GSDMB: variants seen among roughly 807,000 people sequenced by gnomAD.
GSDMB encodes the protein gasdermin B.
Under a neutral mutation model 42.9 loss-of-function variants are expected in GSDMB, and 32 were observed. The observed-to-expected ratio is 0.75, with a 90% CI of 0.56 to 1.00. The LOEUF (loss-of-function observed/expected upper bound fraction) is 1.00. Ranked by LOEUF, GSDMB falls within the 50% of genes least tolerant of loss-of-function variation. GSDMB has a pLI of 0.00. For synonymous variants in GSDMB, 175 were observed against 193.7 expected (o/e 0.90, Z 0.80); for missense variants, 468 against 498.5 (o/e 0.94, Z 0.58).
intron 10 of GSDMB, 57 bp downstream of exon 10, chr17:39,905,369 G>T: frequency 8.1e-7 from 1 of 1,229,934 alleles, no homozygotes; most frequent in South Asian, 1.3e-5. Flanking sequence ...TGGGTCCCTT[G>T]AGAATATGGG....
chr17:39,910,035 C>T, intron 3 of GSDMB, 111 bp from the exon 4 acceptor site: 1 of 839,972 alleles, frequency 1.2e-6, no homozygotes, highest in Non-Finnish European at 1.9e-6. Flanking sequence ...GCTTCTGAGA[C>T]TGGAAAACCA....
At position 39,908,997 on chromosome 17, in the gene GSDMB, G is replaced by A. The variant is rs139970728; in HGVS notation, c.622C>T (p.Arg208Ter). Residue 208 changes from arginine (R) to a stop codon, truncating the protein, a stop_gained, in exon 5 of 11, where the codon CGA becomes TGA. Transcript: ENST00000418519. LOFTEE classifies it high-confidence loss of function. ...TIPPNRVLSY[R>*]VKQLVFPNKE... is the part of the protein sequence containing the mutation. ...TTGGGGAAGACAAGCTGCTTTACTCGATAGCTCAGGACCCGATTTGGGGGG... is the reference window on the plus strand; with the variant it reads ...TTGGGGAAGACAAGCTGCTTTACTCAATAGCTCAGGACCCGATTTGGGGGG... The A allele has an allele frequency of 2.7e-5, 43 of 1,606,392 alleles. No individual in the cohort carries two copies. The highest frequency in any genetic ancestry group is 1.6e-4 in the Middle Eastern group (1 of 6,074).
chr17:39,916,142 A>T (rs1413570130), intron 2 of GSDMB, among the ~76,000 whole-genome samples: 1 of 152,070 alleles, frequency 6.6e-6, no homozygotes, highest in Non-Finnish European at 1.5e-5. Context: ...CTCATCAGAA[A>T]CTTCCCCTTC....
At chr17:39,908,132 G>A in intron 6 of GSDMB, 44 bp downstream of exon 6, 2 of 1,098,890 alleles carry the variant, frequency 1.8e-6, no homozygotes, top group Non-Finnish European at 2.7e-6. Flanking sequence ...TAGTGTCTTT[G>A]CCCATTCTGA....
chr17:39,908,269 C>CT (rs1320171609), intron 5 of GSDMB, 55 bp from the exon 6 acceptor site: 2 of 926,694 alleles, frequency 2.2e-6, no homozygotes, highest in African/African-American at 3.4e-5. Flanking sequence ...GACCAGTTAT[C>CT]ACTCTGTAAG....
At position 39,907,276 on chromosome 17, in the gene GSDMB, A is replaced by C. The variant is rs1298224122; in HGVS notation, c.701-289T>G. 6.6e-6 allele frequency: 7 copies of C among 1,064,476 alleles called. No individual in the cohort carries two copies. The East Asian group carries it at 2.6e-4, about 40-fold the overall frequency. The allele number at this position is 1,064,476 out of a possible 1,614,324, so 65.9% of individuals were successfully genotyped here. A position where few individuals can be genotyped will look rare whatever the true frequency, so the allele number is the denominator to read the frequency against. Reference sequence around the variant, plus strand: ...CTCAGTCGCTCCGCAAATTTGGGTCAGACTTCTCTATCCCTTTCCAAGCTC... The same window carrying C: ...CTCAGTCGCTCCGCAAATTTGGGTCCGACTTCTCTATCCCTTTCCAAGCTC... On this transcript the variant is annotated intron_variant, in intron 6 of 10. Coordinates refer to ENST00000418519, the MANE Select transcript of GSDMB (RefSeq NM_001165958.2).
At chr17:39,911,579 A>G (rs1184213244) in intron 3 of GSDMB, among the ~76,000 whole-genome samples, 1 of 151,948 alleles carries the variant, frequency 6.6e-6, no homozygotes, top group Non-Finnish European at 1.5e-5. Context: ...GGGTGGCTGT[A>G]CTCCATGCAG....
intron 1 of GSDMB, chr17:39,917,612 G>T: frequency 2.7e-6 from 1 of 368,686 alleles, no homozygotes; most frequent in East Asian, 6.4e-5. Context: ...AAGGTACTTT[G>T]TAATATTCTC....
chr17:39,911,658 CTG>C (rs1042116856), intron 3 of GSDMB, among the ~76,000 whole-genome samples: 3 of 152,200 alleles, frequency 2.0e-5, no homozygotes, highest in Admixed American at 6.5e-5. Flanking sequence ...TCAGTACCTA[CTG>C]TGTGCTTGGG....
intron 4 of GSDMB, 91 bp from the exon 5 acceptor site, chr17:39,909,133 T>A: frequency 1.4e-6 from 1 of 732,076 alleles, no homozygotes; most frequent in Non-Finnish European, 2.3e-6. Context: ...AGGCAGTCAT[T>A]TGTATCCCCA....
intron 3 of GSDMB, among the ~76,000 whole-genome samples, chr17:39,911,855 C>G (rs907103921): frequency 9.2e-5 from 14 of 151,802 alleles, no homozygotes; most frequent in African/African-American, 3.4e-4. Flanking sequence ...CTTAAACCAC[C>G]AGGTTTGGAG....
chr17:39,914,761 C>CA (rs71152627), intron 2 of GSDMB, among the ~76,000 whole-genome samples: 6,788 of 90,904 alleles, frequency 0.075, 529 homozygotes, highest in African/African-American at 0.17. Context: ...CACTCCATCT[C>CA]AAAAAAAAAA....
At chr17:39,905,765 C>T in intron 9 of GSDMB, 82 bp downstream of exon 9, 2 of 1,444,642 alleles carry the variant, frequency 1.4e-6, no homozygotes, top group African/African-American at 1.4e-5. Context: ...AACATGCAGC[C>T]CCTCCTCCCA....
At chr17:39,909,233 C>A (rs1229370894) in intron 4 of GSDMB, among the ~76,000 whole-genome samples, 191 bp from the exon 5 acceptor site, 1 of 152,168 alleles carries the variant, frequency 6.6e-6, no homozygotes, top group Non-Finnish European at 1.5e-5. Flanking sequence ...AATTTGAACC[C>A]ACGTCTGATG....
At chr17:39,914,666 G>A (rs890483417) in intron 2 of GSDMB, among the ~76,000 whole-genome samples, 7 of 150,362 alleles carry the variant, frequency 4.7e-5, no homozygotes, top group African/African-American at 1.7e-4. Context: ...GGGAGGCTGA[G>A]GCAGGAGAAC....
chr17:39,908,448 C>T (rs570145849), intron 5 of GSDMB, among the ~76,000 whole-genome samples: 9 of 150,200 alleles, frequency 6.0e-5, no homozygotes, highest in Admixed American at 1.3e-4. Context: ...GGTGAGATCT[C>T]GGCTCACTGC....
In GSDMB at chr17:39,912,494, T is replaced by G. The variant is rs1160022238; in HGVS notation, c.239A>C (p.Gln80Pro). The part of the protein sequence containing the change: ...LDELDSGLQG[Q>P]KAEFQILDNV... Reference sequence around the variant, plus strand: ...ATCCAGAATTTGAAACTCAGCCTTTTGACCTGGAAAGAGAATGATAAAGGT... The same window carrying G: ...ATCCAGAATTTGAAACTCAGCCTTTGGACCTGGAAAGAGAATGATAAAGGT... The change falls in exon 3 of 11, where the codon CAA becomes CCA. Residue 80 changes from glutamine to proline, a missense_variant. By Grantham distance (76) the Gln-to-Pro change is moderately conservative (BLOSUM62 -1). Coordinates refer to ENST00000418519, the MANE Select transcript of GSDMB (RefSeq NM_001165958.2). 6.2e-7 allele frequency: 1 copy of G among 1,611,390 alleles called. No individual in the cohort carries two copies. Among genetic ancestry groups the G allele is most frequent in the Non-Finnish European group, 8.5e-7 (1 of 1,177,478 alleles).
chr17:39,906,878 C>G, intron 7 of GSDMB, 83 bp downstream of exon 7: 2 of 1,604,132 alleles, frequency 1.2e-6, no homozygotes, highest in South Asian at 2.2e-5. Flanking sequence ...TCAGCTGACC[C>G]CACCTGAGCA....
At chr17:39,914,522 G>A (rs180888339) in intron 2 of GSDMB, among the ~76,000 whole-genome samples, 349 of 152,240 alleles carry the variant, frequency 2.3e-3, no homozygotes, top group Admixed American at 3.8e-3. Flanking sequence ...AGCACTTTGG[G>A]AGGCCAAGGC....
Sources: gnomAD v4.1 joint callset for allele counts (sites outside exome capture counted in the v4.1 genomes callset) on GRCh38, gnomAD v4.1.1 for gene constraint, MANE v1.5 for transcripts, NCBI Gene and HGNC (gene_info 2026-07-23, HGNC 2026-07-21) for gene names.